The following JAM2 variants were observed in gnomAD, a reference collection of about 807,000 sequenced individuals.
The protein encoded by JAM2 is junctional adhesion molecule 2, also known as junctional adhesion molecule B.
Under a neutral mutation model 42.0 loss-of-function variants are expected in JAM2, and 17 were observed. The observed-to-expected ratio is 0.40, with a 90% confidence interval of 0.28 to 0.61. The LOEUF (loss-of-function observed/expected upper bound fraction) is 0.61, where lower values mean the gene tolerates loss of function less well. Among genes scored for constraint, JAM2 ranks in the 20% least tolerant of loss-of-function variants. The probability of loss-of-function intolerance (pLI) is 0.37; values close to 1 mark genes in which losing one functional copy is unlikely to be tolerated. For missense variants in JAM2, 319 were observed against 358.3 expected, an observed-to-expected ratio of 0.89 and a Z score of 0.89; for synonymous variants, 118 against 128.6, an observed-to-expected ratio of 0.92 and a Z score of 0.56.
intron 1 of JAM2, chr21:25,643,777 G>A (rs979766409): frequency 2.0e-5 from 3 of 152,192 alleles, no homozygotes; most frequent in African/African-American, 7.2e-5. Context: ...AGCACAGTGA[G>A]TTCCCTATGA....
chr21:25,681,823 A>G (rs1328881782), intron 1 of JAM2, among the ~76,000 whole-genome samples: 5 of 152,170 alleles, frequency 3.3e-5, no homozygotes, highest in African/African-American at 7.2e-5. Flanking sequence ...TGTACTAAAA[A>G]TACAAAAAAT....
At chr21:25,647,301 A>G (rs2032642753) in intron 1 of JAM2, among the ~76,000 whole-genome samples, 1 of 152,186 alleles carries the variant, frequency 6.6e-6, no homozygotes, top group South Asian at 2.1e-4. Context: ...TCTCAGATAG[A>G]CCATCCTTAA....
intron 7 of JAM2, among the ~76,000 whole-genome samples, chr21:25,708,949 G>GGACAGAGGT (rs2034327581): frequency 6.6e-6 from 1 of 152,058 alleles, no homozygotes; most frequent in Non-Finnish European, 1.5e-5. Flanking sequence ...ACTACTATCT[G>GGACAGAGGT]TGGACCAAAT....
At chr21:25,645,299 C>T (rs954051831) in intron 1 of JAM2, among the ~76,000 whole-genome samples, 1 of 152,198 alleles carries the variant, frequency 6.6e-6, no homozygotes, top group East Asian at 1.9e-4. Flanking sequence ...AGGTTAACAC[C>T]TGTATTATGT....
intron 9 of JAM2, 46 bp from the exon 10 acceptor site, chr21:25,714,594 A>G: frequency 8.9e-7 from 1 of 1,125,874 alleles, no homozygotes; most frequent in South Asian, 1.4e-5. Context: ...TGTTTCTTTA[A>G]ATATGAATTC....
chr21:25,702,546 T>G (rs2034189318), intron 6 of JAM2, among the ~76,000 whole-genome samples: 1 of 152,220 alleles, frequency 6.6e-6, no homozygotes, highest in African/African-American at 2.4e-5. Context: ...TTCTAAGTAG[T>G]CTTTCTCTCA....
rs74806753 is a variant in JAM2, at chr21:25,690,292, A to C, written c.241+319A>C. On this transcript the variant is annotated intron_variant, in intron 3 of 9. Transcript: ENST00000480456. ...TTCTCTTCTTTCTTTCTTTCTCTTT[A>C]TTTCTTTCTTTCTCTTCCTTCCTTC... 8.6e-3 allele frequency among the ~76,000 whole-genome samples: 1,275 copies of C among 147,864 alleles called. 18 individuals are homozygous for C. Among genetic ancestry groups the C allele is most frequent in the African/African-American group, 0.03 (1,217 of 40,356 alleles).
At chr21:25,648,752 A>G (rs1453932533) in intron 1 of JAM2, among the ~76,000 whole-genome samples, 2 of 152,116 alleles carry the variant, frequency 1.3e-5, no homozygotes, top group African/African-American at 4.8e-5. Flanking sequence ...TTTTCCATGT[A>G]TATCTCTCTG....
At chr21:25,704,061 G>GT (rs397940878) in intron 6 of JAM2, among the ~76,000 whole-genome samples, 6,409 of 144,314 alleles carry the variant, frequency 0.044, 438 homozygotes, top group African/African-American at 0.14. Context: ...CTACAAGACA[G>GT]TTTTTTTTTT....
chr21:25,673,943 C>A (rs574917130), intron 1 of JAM2, among the ~76,000 whole-genome samples: 3 of 152,240 alleles, frequency 2.0e-5, no homozygotes, highest in Non-Finnish European at 4.4e-5. Flanking sequence ...AAGTCTCACG[C>A]GATCTGATGG....
At chr21:25,644,075 T>C (rs1009110009) in intron 1 of JAM2, 11 of 152,216 alleles carry the variant, frequency 7.2e-5, no homozygotes, top group Non-Finnish European at 1.5e-4. Context: ...GCTAGACTGA[T>C]GTTTTGAGGA....
chr21:25,656,532 T>A (rs2032944042), intron 1 of JAM2, among the ~76,000 whole-genome samples: 1 of 152,182 alleles, frequency 6.6e-6, no homozygotes, highest in Non-Finnish European at 1.5e-5. Context: ...GGGAAAAGAA[T>A]GGAAGAAGTA....
intron 6 of JAM2, among the ~76,000 whole-genome samples, chr21:25,704,440 G>T (rs915786177): frequency 6.6e-6 from 1 of 152,132 alleles, no homozygotes; most frequent in African/African-American, 2.4e-5. Context: ...CATTAGGAAA[G>T]AATTTCGAGA....
At chr21:25,675,590 A>AGGGG (rs2033468270) in intron 1 of JAM2, among the ~76,000 whole-genome samples, 1 of 136,462 alleles carries the variant, frequency 7.3e-6, no homozygotes, top group Non-Finnish European at 1.6e-5. Context: ...GAAGGAAGGA[A>AGGGG]GGAAAGAAGG....
chr21:25,654,674 A>T (rs2032880434), intron 1 of JAM2, among the ~76,000 whole-genome samples: 1 of 148,882 alleles, frequency 6.7e-6, no homozygotes. Context: ...AAAAAATTGG[A>T]AGCACATAGC....
At chr21:25,699,688 G>T (rs9974869) in intron 5 of JAM2, among the ~76,000 whole-genome samples, 8 of 140,682 alleles carry the variant, frequency 5.7e-5, no homozygotes, top group Non-Finnish European at 3.0e-5. Context: ...GCGCCACTGC[G>T]CTCCAGCCTG....
chr21:25,709,618 T>C (rs2034341747), intron 8 of JAM2, 169 bp downstream of exon 8: 1 of 449,176 alleles, frequency 2.2e-6, no homozygotes, highest in South Asian at 6.2e-5. Flanking sequence ...TGTTCTTGCA[T>C]TGCTGTAAGA....
chr21:25,653,525 G>A (rs919609513), intron 1 of JAM2, among the ~76,000 whole-genome samples: 1 of 152,166 alleles, frequency 6.6e-6, no homozygotes, highest in African/African-American at 2.4e-5. Context: ...TTAAAATCAT[G>A]GTAGAAGGCA....
At position 25,648,747 on chromosome 21, in the gene JAM2, C is replaced by G. The variant is rs138731324; in HGVS notation, c.67+8859C>G. ...CTGAGCTGTACTGTTACAATTTTTC[C>G]ATGTATATCTCTCTGTATTGTGAGC... On this transcript the variant is annotated intron_variant, in intron 1 of 9. Transcript: ENST00000480456. 4.9e-3 allele frequency among the ~76,000 whole-genome samples: 741 copies of G among 152,132 alleles called. 20 individuals are homozygous for G. The highest frequency in any genetic ancestry group is 0.039 in the Admixed American group (597 of 15,266).
Sources: allele counts gnomAD v4.1 joint callset (sites outside exome capture counted in the v4.1 genomes callset), GRCh38; gene constraint gnomAD v4.1.1; transcripts MANE v1.5; gene names NCBI Gene and HGNC (gene_info 2026-07-23, HGNC 2026-07-21).